Variants in ZFR2 observed in about 807,000 individuals in gnomAD.
ZFR2 encodes the protein zinc finger RNA-binding protein 2.
In ZFR2, 104 loss-of-function variants were observed where a neutral mutation model predicts 105.7. That is an observed-to-expected ratio of 0.98 (90% CI 0.84 to 1.16). ZFR2 has a LOEUF of 1.16. Ranked by LOEUF, ZFR2 falls within the 50% of genes most tolerant of loss-of-function variation. The pLI is 0.00. For synonymous variants in ZFR2, 634 were observed against 597.7 expected (o/e 1.06, Z -0.89); for missense variants, 1,425 against 1,355.5 (o/e 1.05, Z -0.80).
chr19:3,847,799 C>T (rs2038198234), intron 1 of ZFR2, among the ~76,000 whole-genome samples: 2 of 152,176 alleles, frequency 1.3e-5, no homozygotes, highest in Non-Finnish European at 1.5e-5. Context: ...GAGCCCTACA[C>T]CACCCACAAG....
chr19:3,825,861 C>T (rs1347369501), intron 6 of ZFR2, among the ~76,000 whole-genome samples: 8 of 152,242 alleles, frequency 5.3e-5, no homozygotes, highest in Non-Finnish European at 7.4e-5. Flanking sequence ...TGGTCACGTC[C>T]GTATTCTGGC....
chr19:3,863,713 C>G (rs1599260128), intron 1 of ZFR2, among the ~76,000 whole-genome samples: 1 of 152,184 alleles, frequency 6.6e-6, no homozygotes. Flanking sequence ...CTACCACAGG[C>G]GCAACCTCTA....
intron 16 of ZFR2, among the ~76,000 whole-genome samples, chr19:3,810,295 G>A (rs1225093795): frequency 6.6e-6 from 1 of 152,236 alleles, no homozygotes; most frequent in East Asian, 1.9e-4. Flanking sequence ...TTGTGGTGAG[G>A]GGATTCTGTT....
intron 1 of ZFR2, among the ~76,000 whole-genome samples, chr19:3,868,295 A>G (rs1400372764): frequency 7.1e-6 from 1 of 140,882 alleles, no homozygotes; most frequent in East Asian, 2.2e-4. Context: ...CCTCCCCTAC[A>G]AGTAATCGGG....
intron 1 of ZFR2, among the ~76,000 whole-genome samples, chr19:3,839,732 G>A (rs2038117030): frequency 6.6e-6 from 1 of 151,996 alleles, no homozygotes; most frequent in Non-Finnish European, 1.5e-5. Flanking sequence ...AGAGCTTATT[G>A]TTTAAATACA....
At chr19:3,861,430 C>T (rs2038372565) in intron 1 of ZFR2, among the ~76,000 whole-genome samples, 1 of 151,212 alleles carries the variant, frequency 6.6e-6, no homozygotes, top group Non-Finnish European at 1.5e-5. Context: ...AGTTTGAGAC[C>T]AGCCTGGCCG....
In ZFR2 at chr19:3,823,567, C is replaced by T. The variant is rs2037918486; in HGVS notation, c.1214-164G>A. Reference sequence around the variant, plus strand: ...AATGGCCCCGGACAGCAACCTCGCTCTCCCTTTCATGCCTGCGTGTGACCC... The same window carrying T: ...AATGGCCCCGGACAGCAACCTCGCTTTCCCTTTCATGCCTGCGTGTGACCC... On this transcript the variant is annotated intron_variant, in intron 7 of 18. Transcript: ENST00000262961. This position sits in a 1 kb window ranked among gnomAD's most constrained non-coding sequence, Gnocchi z 5.4. Among the ~76,000 whole-genome samples the T allele has an allele frequency of 6.6e-6, 1 of 152,188 alleles. No individual in the cohort carries two copies. Among genetic ancestry groups the T allele is most frequent in the South Asian group, 2.1e-4 (1 of 4,826 alleles).
At chr19:3,825,456 AT>A (rs2037939260) in intron 6 of ZFR2, 49 bp from the exon 7 acceptor site, 1 of 1,518,774 alleles carries the variant, frequency 6.6e-7, no homozygotes, top group South Asian at 1.3e-5. Flanking sequence ...TCCCAGCCTG[AT>A]GGCCTTTTTC....
intron 1 of ZFR2, among the ~76,000 whole-genome samples, chr19:3,839,839 T>C (rs1285142872): frequency 6.6e-6 from 1 of 152,072 alleles, no homozygotes; most frequent in Non-Finnish European, 1.5e-5. Flanking sequence ...TTTAACTACA[T>C]ATGTATGAAG....
At chr19:3,840,526 T>C (rs2038124059) in intron 1 of ZFR2, among the ~76,000 whole-genome samples, 1 of 151,908 alleles carries the variant, frequency 6.6e-6, no homozygotes, top group South Asian at 2.1e-4. Context: ...CATGAGCCAC[T>C]GTGCCTGGCC....
chr19:3,863,877 T>C (rs1256212346), intron 1 of ZFR2, among the ~76,000 whole-genome samples: 1 of 152,106 alleles, frequency 6.6e-6, no homozygotes, highest in East Asian at 1.9e-4. Flanking sequence ...AAGCCTCACT[T>C]TCCTCATCAG....
intron 3 of ZFR2, 181 bp downstream of exon 3, chr19:3,833,483 G>A: frequency 2.0e-6 from 1 of 501,744 alleles, no homozygotes; most frequent in Non-Finnish European, 3.6e-6. Flanking sequence ...GGCTGAGGCA[G>A]GAGAATGGCT....
Position 3,825,380 on chromosome 19 carries a change from T to TC in ZFR2, c.1062dup (p.Lys355GlufsTer54). On this transcript the variant is annotated frameshift_variant, in exon 7 of 19. Transcript: ENST00000262961. LOFTEE classifies it high-confidence loss of function. ...GCAGGCTCGAGGGTGGGAATGGGCTTCCCCAGTTTGGCGTGCAGCTTGAAG... is the reference window on the plus strand; with the variant it reads ...GCAGGCTCGAGGGTGGGAATGGGCTTCCCCCAGTTTGGCGTGCAGCTTGAAG... The TC allele has an allele frequency of 6.3e-7, 1 of 1,587,702 alleles. No homozygotes were observed. The highest frequency in any genetic ancestry group is 2.3e-5 in the East Asian group (1 of 43,418).
At chr19:3,806,237 G>A in intron 18 of ZFR2, 112 bp from the exon 19 acceptor site, 2 of 1,195,788 alleles carry the variant, frequency 1.7e-6, no homozygotes, top group Non-Finnish European at 1.1e-6. Flanking sequence ...GGCCTATCCT[G>A]TATCCCTCGA....
intron 1 of ZFR2, among the ~76,000 whole-genome samples, chr19:3,861,851 G>A (rs992368718): frequency 1.3e-5 from 2 of 151,824 alleles, no homozygotes; most frequent in African/African-American, 2.4e-5. Flanking sequence ...GCTTAAACTC[G>A]TGAGCCAGAC....
intron 1 of ZFR2, chr19:3,855,694 G>A: frequency 2.7e-6 from 1 of 367,730 alleles, no homozygotes; most frequent in Non-Finnish European, 4.8e-6. Context: ...GGTCATGGCG[G>A]GCCTGGTGGG....
In ZFR2 at chr19:3,834,468, A is replaced by G. The variant is rs2038056053; in HGVS notation, c.264+305T>C. Among the ~76,000 whole-genome samples, 1 of 151,542 alleles carries G rather than the reference A, an allele frequency of 6.6e-6. No homozygotes were observed. The highest frequency in any genetic ancestry group is 2.1e-4 in the South Asian group (1 of 4,782). ...AGGGAGGGGTCCTGTAACCCAGGCG[A>G]CCCTCCTCCTCCTTCATAGTCACTG... On this transcript the variant is annotated intron_variant, in intron 2 of 18. Transcript: ENST00000262961. The surrounding 1 kb of genome is among the most constrained non-coding windows in gnomAD (Gnocchi z 5.3).
At position 3,808,900 on chromosome 19, in the gene ZFR2, C is replaced by T; in HGVS notation, c.2517G>A (p.Glu839=). 6.4e-7 allele frequency: 1 copy of T among 1,562,170 alleles called. No individual in the cohort carries two copies. Residue 839 remains glutamate (E), a synonymous_variant, in exon 17 of 19, where the codon GAG becomes GAA. Transcript: ENST00000262961. ...TCAGGAGCGTCCCTGTGGCCACGCA[C>T]TCCAGGACTCGCCTGACTGCATCCC... ...GPGDAVRRVL[E]CVATGTLLTD... is the part of the protein sequence containing the mutation.
intron 1 of ZFR2, among the ~76,000 whole-genome samples, chr19:3,860,261 A>G (rs1367487586): frequency 1.3e-5 from 2 of 149,578 alleles, no homozygotes; most frequent in Non-Finnish European, 3.0e-5. Flanking sequence ...CTGGTCTCGA[A>G]CTCCTGGGCT....
Sources: gnomAD v4.1 joint callset for allele counts (sites outside exome capture counted in the v4.1 genomes callset) on GRCh38, gnomAD v4.1.1 for gene constraint, Gnocchi (gnomAD v3.1) non-coding constraint, MANE v1.5 for transcripts, NCBI Gene and HGNC (gene_info 2026-07-23, HGNC 2026-07-21) for gene names.